Variants in NBAS observed in about 807,000 individuals in gnomAD.
NBAS encodes NAG/BC035112 fusion.
A neutral mutation model predicts 302.5 loss-of-function variants in NBAS; 219 were observed. The ratio of observed to expected loss-of-function variants is 0.72; its 90% CI spans 0.65 to 0.81. The LOEUF is 0.81. Ranked by LOEUF, NBAS falls within the 30% of genes least tolerant of loss-of-function variation. The pLI, the probability that NBAS is intolerant of heterozygous loss-of-function variation, is 0.00. For missense variants in NBAS, 2,932 were observed against 2,841.6 expected (o/e 1.03, Z -0.72); for synonymous variants, 1,118 against 1,021.6 (o/e 1.09, Z -1.80).
At chr2:15,139,119 C>A in the NBAS span, among the ~76,000 whole-genome samples, 1 of 152,154 alleles carries the variant, frequency 6.6e-6, no homozygotes, top group African/African-American at 2.4e-5. Flanking sequence ...GAATATTTTG[C>A]CTCTCACAGG....
the NBAS span, among the ~76,000 whole-genome samples, chr2:15,074,606 AT>A: frequency 6.6e-6 from 1 of 151,974 alleles, no homozygotes; most frequent in African/African-American, 2.4e-5. Context: ...CATGTTATAT[AT>A]TATATAATAG....
the NBAS span, among the ~76,000 whole-genome samples, chr2:14,919,488 A>G: frequency 0.087 from 13,254 of 152,246 alleles, 647 homozygotes; most frequent in African/African-American, 0.11. Flanking sequence ...AAATAAGACA[A>G]TGATGAAGTT....
chr2:14,817,179 A>G, the NBAS span, among the ~76,000 whole-genome samples: 2 of 152,152 alleles, frequency 1.3e-5, no homozygotes, highest in African/African-American at 4.8e-5. Context: ...ATCATGTGTT[A>G]TTGCATGTTG....
intron 44 of NBAS, among the ~76,000 whole-genome samples, chr2:15,253,896 C>CTTCA (rs1340630886): frequency 6.6e-6 from 1 of 152,142 alleles, no homozygotes; most frequent in Non-Finnish European, 1.5e-5. Context: ...TGCCTTTAGC[C>CTTCA]TTCAAGCTGT....
At chr2:15,118,632 G>T in the NBAS span, among the ~76,000 whole-genome samples, 1 of 152,284 alleles carries the variant, frequency 6.6e-6, no homozygotes, top group African/African-American at 2.4e-5. Context: ...CACCTTGCTA[G>T]AAAGGCTATA....
At chr2:15,101,755 G>T in the NBAS span, among the ~76,000 whole-genome samples, 103 of 152,282 alleles carry the variant, frequency 6.8e-4, no homozygotes, top group Admixed American at 1.9e-3. Flanking sequence ...GGAAGATATT[G>T]TCCTCATGAC....
At chr2:15,272,866 T>C (rs1192558888) in intron 44 of NBAS, among the ~76,000 whole-genome samples, 1 of 152,120 alleles carries the variant, frequency 6.6e-6, no homozygotes, top group Admixed American at 6.6e-5. Context: ...TTGAAAGAAG[T>C]ATAAGGTTAA....
the NBAS span, among the ~76,000 whole-genome samples, chr2:14,882,117 C>G: frequency 6.6e-6 from 1 of 152,154 alleles, no homozygotes; most frequent in Non-Finnish European, 1.5e-5. Flanking sequence ...TTCTCCCCAT[C>G]CGTACACTCA....
intron 25 of NBAS, among the ~76,000 whole-genome samples, chr2:15,414,943 T>C (rs1676852335): frequency 6.6e-6 from 1 of 151,986 alleles, no homozygotes; most frequent in African/African-American, 2.4e-5. Flanking sequence ...AGACTCTGTC[T>C]CAAAAAAAGA....
At chr2:15,464,173 G>A (rs1243285873) in intron 19 of NBAS, among the ~76,000 whole-genome samples, 2 of 152,270 alleles carry the variant, frequency 1.3e-5, no homozygotes, top group East Asian at 3.9e-4. Flanking sequence ...AATTCAAATA[G>A]ATAATTAGTG....
rs532100551 is a variant in NBAS at position 15,440,337 on chromosome 2, C to G, written c.2340-12543G>C. Among the ~76,000 whole-genome samples, 4 of 152,336 alleles carry G rather than the reference C, an allele frequency of 2.6e-5. No homozygotes were observed. The East Asian group carries it at 5.8e-4, about 22-fold the overall frequency. ...TTCCAGAGGAATGATCAGACAGCAG[C>G]ATTCGCGGTTCACGAAAAACCGCTA... On this transcript the variant is annotated intron_variant, in intron 21 of 51. Transcript: ENST00000281513.
intron 51 of NBAS, among the ~76,000 whole-genome samples, chr2:15,175,120 C>A (rs1006949537): frequency 6.6e-6 from 1 of 152,120 alleles, no homozygotes; most frequent in Non-Finnish European, 1.5e-5. Flanking sequence ...GCACCCACCA[C>A]CACAACTGGC....
intron 49 of NBAS, among the ~76,000 whole-genome samples, chr2:15,188,677 T>G (rs975624997): frequency 2.0e-5 from 3 of 152,264 alleles, no homozygotes; most frequent in Non-Finnish European, 4.4e-5. Context: ...TTAAGATTTT[T>G]GGGTTTACAA....
chr2:15,287,875 G>A (rs973014835), intron 41 of NBAS, among the ~76,000 whole-genome samples: 5 of 145,384 alleles, frequency 3.4e-5, no homozygotes, highest in Admixed American at 2.7e-4. Flanking sequence ...TGAGCACCCC[G>A]TGTAGGCATC....
intron 48 of NBAS, among the ~76,000 whole-genome samples, chr2:15,218,528 A>C (rs1354928856): frequency 6.6e-6 from 1 of 152,082 alleles, no homozygotes; most frequent in Non-Finnish European, 1.5e-5. Context: ...GGTTTAAGCG[A>C]TTCTCCTGCC....
At chr2:15,456,606 A>C (rs1266437748) in intron 21 of NBAS, among the ~76,000 whole-genome samples, 1 of 152,228 alleles carries the variant, frequency 6.6e-6, no homozygotes, top group Non-Finnish European at 1.5e-5. Context: ...CTCAACAAGT[A>C]TTTAACGAAT....
intron 6 of NBAS, among the ~76,000 whole-genome samples, chr2:15,544,190 T>C (rs1033326560): frequency 6.6e-6 from 1 of 152,128 alleles, no homozygotes; most frequent in Non-Finnish European, 1.5e-5. Flanking sequence ...CAAGAACCAG[T>C]GAGCAAGGGC....
intron 21 of NBAS, among the ~76,000 whole-genome samples, chr2:15,445,222 A>T (rs1387894219): frequency 6.7e-6 from 1 of 149,960 alleles, no homozygotes; most frequent in South Asian, 2.1e-4. Context: ...TTATTGCGGC[A>T]CTATTCACAA....
chr2:14,918,681 A>C, the NBAS span, among the ~76,000 whole-genome samples: 1 of 152,228 alleles, frequency 6.6e-6, no homozygotes, highest in Admixed American at 6.5e-5. Flanking sequence ...GGTAGTAGGA[A>C]GCCCCTGAAA....
Sources: allele counts gnomAD v4.1 joint callset (sites outside exome capture counted in the v4.1 genomes callset), GRCh38; gene constraint gnomAD v4.1.1; transcripts MANE v1.5; gene names NCBI Gene and HGNC (gene_info 2026-07-23, HGNC 2026-07-21).